The following DYNC2H1 variants were observed in gnomAD, a reference collection of about 807,000 sequenced individuals.
DYNC2H1 encodes the protein dynein cytoplasmic 2 heavy chain 1.
A neutral mutation model predicts 570.0 loss-of-function variants in DYNC2H1; 410 were observed. That is an observed-to-expected ratio of 0.72 (90% CI 0.66 to 0.78). The LOEUF (loss-of-function observed/expected upper bound fraction) is 0.78, where lower values mean the gene tolerates loss of function less well. DYNC2H1 is among the 30% of genes least tolerant of loss of function. DYNC2H1 has a pLI of 0.00. For synonymous variants in DYNC2H1, 1,688 were observed against 1,677.6 expected (o/e 1.01, Z -0.15); for missense variants, 4,865 against 5,046.4 (o/e 0.96, Z 1.09).
Position 103,211,098 on chromosome 11 carries a change from T to C in DYNC2H1, c.8540-691T>C, listed in dbSNP as rs143818888. ...AAGGCCTAAACCAAAGAAGAAGTAA[T>C]AATAATGGAGGAAGGAATGGACTTG... On this transcript the variant is annotated intron_variant, in intron 53 of 88. Transcript: ENST00000375735. Among the ~76,000 whole-genome samples the C allele has an allele frequency of 3.4e-3, 510 of 152,020 alleles. 6 individuals are homozygous for C. The highest frequency in any genetic ancestry group is 0.02 in the Admixed American group (310 of 15,270).
At position 103,186,882 on chromosome 11, in the gene DYNC2H1, G is replaced by GT. The variant is rs957337191; in HGVS notation, c.6893+385dup. Among the ~76,000 whole-genome samples, 66 of 151,916 alleles carry GT rather than the reference G, an allele frequency of 4.3e-4. 1 individual carries two copies. The highest frequency in any genetic ancestry group is 3.0e-3 in the Admixed American group (45 of 15,200). ...TTTTAATTCAGTGGAATTCAGCCTAGTTTTAGTTCATATGGAGCATAGTCT... is the reference window on the plus strand; with the variant it reads ...TTTTAATTCAGTGGAATTCAGCCTAGTTTTTAGTTCATATGGAGCATAGTCT... On this transcript the variant is annotated intron_variant, in intron 42 of 88. Coordinates refer to ENST00000375735, the MANE Select transcript of DYNC2H1 (RefSeq NM_001377.3). The surrounding 1 kb of genome is among the most constrained non-coding windows in gnomAD (Gnocchi z 4.5).
At chr11:103,246,526 A>G (rs1366649970) in intron 65 of DYNC2H1, among the ~76,000 whole-genome samples, 2 of 151,982 alleles carry the variant, frequency 1.3e-5, no homozygotes, top group African/African-American at 4.8e-5. Flanking sequence ...CACATTTTGA[A>G]CTGTTCTAGG....
rs1489390078 is a variant in DYNC2H1 at position 103,129,543 on chromosome 11, G to A, written c.1953+538G>A. Among the ~76,000 whole-genome samples the A allele has an allele frequency of 6.6e-6, 1 of 152,128 alleles. No individual in the cohort carries two copies. Among genetic ancestry groups the A allele is most frequent in the Non-Finnish European group, 1.5e-5 (1 of 68,026 alleles). On this transcript the variant is annotated intron_variant, in intron 13 of 88. Transcript: ENST00000375735. The surrounding 1 kb of genome is among the most constrained non-coding windows in gnomAD (Gnocchi z 4.1). ...CTAAAAATACAAAAAAATTAGCCAGGCATGGTGGTGGGTGCCTGTAATCCC... is the reference window on the plus strand; with the variant it reads ...CTAAAAATACAAAAAAATTAGCCAGACATGGTGGTGGGTGCCTGTAATCCC...
chr11:103,386,658 A>G (rs1437645746), intron 83 of DYNC2H1, among the ~76,000 whole-genome samples: 2 of 151,268 alleles, frequency 1.3e-5, no homozygotes, highest in Non-Finnish European at 1.5e-5. Context: ...CACTCCCCCC[A>G]CCCCACAACA....
intron 75 of DYNC2H1, among the ~76,000 whole-genome samples, chr11:103,293,223 G>A (rs1421596569): frequency 6.6e-6 from 1 of 151,844 alleles, no homozygotes; most frequent in Non-Finnish European, 1.5e-5. Context: ...TTTGCCTTTA[G>A]CACTCTGGAT....
chr11:103,327,655 A>C (rs1396034717), intron 82 of DYNC2H1, among the ~76,000 whole-genome samples: 1 of 152,138 alleles, frequency 6.6e-6, no homozygotes, highest in African/African-American at 2.4e-5. Flanking sequence ...AGCCTTAGAG[A>C]CTTAGAGATA....
chr11:103,162,174 A>G (rs1325405849), intron 29 of DYNC2H1, among the ~76,000 whole-genome samples: 1 of 152,042 alleles, frequency 6.6e-6, no homozygotes, highest in East Asian at 1.9e-4. Flanking sequence ...TGGAAGCTTT[A>G]TGATTGTTAG....
At position 103,268,837 on chromosome 11, in the gene DYNC2H1, T is replaced by C. The variant is rs533688614; in HGVS notation, c.10695+8860T>C. Among the ~76,000 whole-genome samples the C allele has an allele frequency of 6.6e-5, 10 of 152,198 alleles. No individual in the cohort carries two copies. Among genetic ancestry groups the C allele is most frequent in the African/African-American group, 2.4e-4 (10 of 41,558 alleles). On this transcript the variant is annotated intron_variant, in intron 70 of 88. Coordinates refer to ENST00000375735, the MANE Select transcript of DYNC2H1 (RefSeq NM_001377.3). This position sits in a 1 kb window ranked among gnomAD's most constrained non-coding sequence, Gnocchi z 4.6. ...TAGTTGCTTGTTTCTAAGCTATGTG[T>C]CTTATCTCAGTTTATATATTCTCAT...
chr11:103,467,711 G>A (rs1011097688), intron 87 of DYNC2H1, among the ~76,000 whole-genome samples: 3 of 151,960 alleles, frequency 2.0e-5, no homozygotes, highest in African/African-American at 4.8e-5. Flanking sequence ...CTAATTTTTT[G>A]CATTTTTAGT....
chr11:103,143,665 A>G (rs1385338446), intron 18 of DYNC2H1, among the ~76,000 whole-genome samples: 8 of 152,198 alleles, frequency 5.3e-5, no homozygotes, highest in Non-Finnish European at 1.5e-5. Flanking sequence ...TATGTTTGAT[A>G]TGCATTGGCA....
chr11:103,249,186 AAG>A lies in DYNC2H1; in HGVS notation c.10042+3815_10042+3816del, dbSNP rs1278104474. ...ATGAATAAGAGATGAGACAACACTG[AAG>A]AGTCTTTTTTAGACAATAAAATATT... On this transcript the variant is annotated intron_variant, in intron 65 of 88. Coordinates refer to ENST00000375735, the MANE Select transcript of DYNC2H1 (RefSeq NM_001377.3). This position sits in a 1 kb window ranked among gnomAD's most constrained non-coding sequence, Gnocchi z 4.6. 3.7e-4 allele frequency among the ~76,000 whole-genome samples: 56 copies of A among 152,136 alleles called. No homozygotes were observed. Among genetic ancestry groups the A allele is most frequent in the African/African-American group, 1.3e-3 (54 of 41,562 alleles).
intron 80 of DYNC2H1, 33 bp downstream of exon 80, chr11:103,316,653 A>C: frequency 7.1e-7 from 1 of 1,415,866 alleles, no homozygotes; most frequent in Non-Finnish European, 9.4e-7. Flanking sequence ...ATCTCATATT[A>C]ATAAAATATT....
rs1436109032 is a variant in DYNC2H1 at position 103,168,802 on chromosome 11, A to G, written c.4810A>G (p.Ile1604Val). 3 of 1,613,282 alleles carry G rather than the reference A, an allele frequency of 1.9e-6. No individual in the cohort carries two copies. The highest frequency in any genetic ancestry group is 2.2e-5 in the East Asian group (1 of 44,734). The part of the protein sequence containing the change: ...LKLKALILDI[I>V]HNIDVVKQLN... The stretch of plus-strand genomic sequence containing the variant: ...ACTTAAAGCCCTAATTCTTGACATT[A>G]TCCATAATATTGATGTGGTAAAGCA... The change falls in exon 32 of 89, where the codon ATC (isoleucine) becomes GTC (valine). Residue 1604 changes from isoleucine (I) to valine (V), a missense_variant. Physicochemically the swap from Ile to Val is conservative, Grantham distance 29. Around this residue, in one of 5 missense-constraint regions of DYNC2H1, gnomAD observed 1,936 missense variants for 1,962.1 expected, o/e 0.99. Coordinates refer to ENST00000375735, the MANE Select transcript of DYNC2H1 (RefSeq NM_001377.3).
At chr11:103,124,445 CA>C (rs34997507) in intron 11 of DYNC2H1, among the ~76,000 whole-genome samples, 37,816 of 71,660 alleles carry the variant, frequency 0.53, 6,308 homozygotes, top group East Asian at 0.62. Flanking sequence ...TACCCTGTCT[CA>C]AAAAAAAAAA....
chr11:103,406,248 A>C (rs1025841619), intron 84 of DYNC2H1: 7 of 152,070 alleles, frequency 4.6e-5, no homozygotes, highest in South Asian at 4.2e-4. Flanking sequence ...GAGATGGGTA[A>C]AAGGAGGGGT....
chr11:103,360,735 G>A (rs1452126230), intron 83 of DYNC2H1, among the ~76,000 whole-genome samples: 1 of 152,150 alleles, frequency 6.6e-6, no homozygotes, highest in East Asian at 1.9e-4. Context: ...GGACAGAATA[G>A]TCATGGTACC....
intron 40 of DYNC2H1, among the ~76,000 whole-genome samples, chr11:103,184,488 T>C (rs756240880): frequency 6.6e-6 from 1 of 151,902 alleles, no homozygotes; most frequent in Non-Finnish European, 1.5e-5. Context: ...TGGTTTGTCA[T>C]TTATGCCTGC....
intron 88 of DYNC2H1, among the ~76,000 whole-genome samples, chr11:103,477,057 G>C (rs992370): frequency 0.48 from 73,708 of 152,052 alleles, 19,587 homozygotes; most frequent in Non-Finnish European, 0.61. Flanking sequence ...TGTGAGGTGG[G>C]TAAGTGTCAT....
chr11:103,209,510 A>G lies in DYNC2H1; in HGVS notation c.8455-366A>G, dbSNP rs634800. Among the ~76,000 whole-genome samples the G allele has an allele frequency of 0.76, 114,848 of 151,816 alleles. 43,976 individuals carry two copies. The highest frequency in any genetic ancestry group is 0.83 in the Admixed American group (12,721 of 15,242). On this transcript the variant is annotated intron_variant, in intron 52 of 88. Transcript: ENST00000375735. The surrounding 1 kb of genome is among the most constrained non-coding windows in gnomAD (Gnocchi z 4.2). ...AGCTAAGAATCCTTGCTACCCCACT[A>G]TGTCATGAAGGCATTTTACTAGTTT...
Sources: allele counts gnomAD v4.1 joint callset (sites outside exome capture counted in the v4.1 genomes callset), GRCh38; gene constraint gnomAD v4.1.1; regional missense constraint gnomAD v4.1.1; non-coding constraint Gnocchi (gnomAD v3.1); transcripts MANE v1.5; gene names NCBI Gene and HGNC (gene_info 2026-07-23, HGNC 2026-07-21).